GON4L: variants seen among roughly 807,000 people sequenced by gnomAD.
GON4L encodes gon-4 like.
A neutral mutation model predicts 211.8 loss-of-function variants in GON4L; 87 were observed. That is an observed-to-expected ratio of 0.41 (90% CI 0.35 to 0.49). GON4L has a LOEUF of 0.49. GON4L is among the 20% of genes least tolerant of loss of function. The pLI is 0.15. For synonymous variants in GON4L, 875 were observed against 962.6 expected (o/e 0.91, Z 1.68); for missense variants, 2,155 against 2,659.5 (o/e 0.81, Z 4.17).
At chr1:155,795,468 A>G (rs1327316689) in intron 11 of GON4L, among the ~76,000 whole-genome samples, 1 of 152,200 alleles carries the variant, frequency 6.6e-6, no homozygotes, top group African/African-American at 2.4e-5. Flanking sequence ...CAGTGAAAAA[A>G]GGAGTGGCCC....
At chr1:155,802,440 C>A (rs892357778) in intron 11 of GON4L, among the ~76,000 whole-genome samples, 1 of 152,082 alleles carries the variant, frequency 6.6e-6, no homozygotes, top group Non-Finnish European at 1.5e-5. Context: ...CCTACAGAAT[C>A]CAGCATATAG....
At chr1:155,764,853 C>T (rs754494562) in intron 21 of GON4L, 147 bp downstream of exon 21, 1 of 1,563,432 alleles carries the variant, frequency 6.4e-7, no homozygotes, top group Non-Finnish European at 8.8e-7. Flanking sequence ...ACCTCAACTC[C>T]ACAATCATGT....
downstream of GON4L, chr1:155,746,598 GTC>G (rs1429993640): frequency 4.6e-5 from 24 of 522,296 alleles, no homozygotes; most frequent in Non-Finnish European, 7.0e-5. Flanking sequence ...ACCTAACATT[GTC>G]TCTGTTATTT....
At chr1:155,754,903 C>CT (rs112004109) in intron 27 of GON4L, among the ~76,000 whole-genome samples, 7,124 of 104,532 alleles carry the variant, frequency 0.068, 444 homozygotes, top group African/African-American at 0.086. Context: ...TCTCCCCATG[C>CT]TTTTTTTTTT....
chr1:155,855,036 C>CA (rs1194347404), intron 1 of GON4L, among the ~76,000 whole-genome samples: 1,050 of 92,064 alleles, frequency 0.011, 9 homozygotes, highest in African/African-American at 0.031. Context: ...AACTCCATCT[C>CA]AAAAAAAAAA....
chr1:155,856,221 T>TTC (rs138363426), intron 1 of GON4L, among the ~76,000 whole-genome samples: 1 of 150,814 alleles, frequency 6.6e-6, no homozygotes. Context: ...TTTTCTTTCT[T>TTC]TCTCTCTCTC....
intron 14 of GON4L, among the ~76,000 whole-genome samples, chr1:155,778,399 G>C (rs1051241100): frequency 6.6e-6 from 1 of 152,038 alleles, no homozygotes; most frequent in Non-Finnish European, 1.5e-5. Context: ...CTATAGGCAC[G>C]TGCCACCACG....
intron 24 of GON4L, among the ~76,000 whole-genome samples, chr1:155,759,662 ATGCAGAAC>A (rs2101676856): frequency 6.6e-6 from 1 of 152,036 alleles, no homozygotes; most frequent in African/African-American, 2.4e-5. Flanking sequence ...CACACATTAT[ATGCAGAAC>A]TACCCCACTG....
intron 12 of GON4L, among the ~76,000 whole-genome samples, chr1:155,790,532 A>G (rs751055032): frequency 3.9e-5 from 6 of 152,096 alleles, no homozygotes; most frequent in South Asian, 2.1e-4. Flanking sequence ...GTTAGCCACT[A>G]CGCCCAGTTA....
rs34939643 is a variant in GON4L at position 155,814,365 on chromosome 1, T to C, written c.1246A>G (p.Thr416Ala). The C allele has an allele frequency of 3.2e-3, 5,131 of 1,613,536 alleles. 141 individuals carry two copies. The African/African-American group carries it at 0.06, about 19-fold the overall frequency. ...KSRLRQSSEM[T>A]ETDEESGILS... Reference sequence around the variant, plus strand: ...ATGCCACTCTCCTCATCTGTTTCAGTCATCTCAGAAGACTGCCTCAATCTG... The same window carrying C: ...ATGCCACTCTCCTCATCTGTTTCAGCCATCTCAGAAGACTGCCTCAATCTG... The change falls in exon 9 of 32, where the codon ACT becomes GCT. Residue 416 changes from threonine (T) to alanine (A), a missense_variant. By Grantham distance (58) the Thr-to-Ala change is moderately conservative. Around this residue, in one of 6 missense-constraint regions of GON4L, gnomAD observed 551 missense variants for 854.0 expected, o/e 0.65. Coordinates refer to ENST00000368331, the MANE Select transcript of GON4L (RefSeq NM_001282860.2).
intron 11 of GON4L, among the ~76,000 whole-genome samples, chr1:155,800,444 C>A (rs1023736852): frequency 2.7e-5 from 4 of 146,022 alleles, no homozygotes; most frequent in South Asian, 2.2e-4. Context: ...GTAAACCCAG[C>A]TACTTGGGAG....
At chr1:155,760,898 T>C (rs115738108) in intron 23 of GON4L, among the ~76,000 whole-genome samples, 1 of 152,312 alleles carries the variant, frequency 6.6e-6, no homozygotes, top group Non-Finnish European at 1.5e-5. Flanking sequence ...AACCAAGCAA[T>C]GCTTTTCTCT....
Position 155,776,496 on chromosome 1 carries a change from A to T in GON4L, c.2092-15T>A, listed in dbSNP as rs370119334. 2.3e-5 allele frequency: 37 copies of T among 1,575,914 alleles called. No individual in the cohort carries two copies. Among genetic ancestry groups the T allele is most frequent in the Non-Finnish European group, 3.0e-5 (34 of 1,145,560 alleles). ...AGCTGAACGTGCTGGGGATGGAAAGAAAATGATGAAGTGACATGTTACCAC... is the reference window on the plus strand; with the variant it reads ...AGCTGAACGTGCTGGGGATGGAAAGTAAATGATGAAGTGACATGTTACCAC... On this transcript the variant is annotated splice_polypyrimidine_tract_variant and intron_variant, in intron 15 of 31. Transcript: ENST00000368331.
chr1:155,822,533 G>C (rs1276866828), intron 3 of GON4L, 57 bp from the exon 4 acceptor site: 3 of 1,300,146 alleles, frequency 2.3e-6, no homozygotes, highest in Non-Finnish European at 3.3e-6. Context: ...CAGGAACTTA[G>C]CCCAGAAAGC....
intron 14 of GON4L, among the ~76,000 whole-genome samples, chr1:155,779,450 G>C (rs539906360): frequency 6.6e-6 from 1 of 151,222 alleles, no homozygotes; most frequent in South Asian, 2.1e-4. Context: ...CTGAGTAGCT[G>C]GGACTACAGA....
chr1:155,748,979 C>CA (rs1299917651), downstream of GON4L, among the ~76,000 whole-genome samples: 2 of 152,288 alleles, frequency 1.3e-5, no homozygotes, highest in East Asian at 3.9e-4. Context: ...TTGGGCTAGG[C>CA]ATGGTGGCTG....
intron 12 of GON4L, among the ~76,000 whole-genome samples, chr1:155,786,470 G>A (rs1279031571): frequency 1.3e-5 from 2 of 152,016 alleles, no homozygotes; most frequent in African/African-American, 4.8e-5. Flanking sequence ...GGCAGAGGCT[G>A]CAGTGTGCCA....
rs1236616594 is a variant in GON4L, at chr1:155,825,329, T to C, written c.697+1508A>G. Among the ~76,000 whole-genome samples the C allele has an allele frequency of 2.6e-5, 4 of 151,950 alleles. No individual in the cohort carries two copies. In the East Asian group the frequency reaches 7.8e-4, roughly 29 times the overall value. ...GGCTCACGCCTGTAATCCTAGCACCTTGGGAGGCCGAGGCGGGCAGATCAC... is the reference window on the plus strand; with the variant it reads ...GGCTCACGCCTGTAATCCTAGCACCCTGGGAGGCCGAGGCGGGCAGATCAC... On this transcript the variant is annotated intron_variant, in intron 3 of 31. Coordinates refer to ENST00000368331, the MANE Select transcript of GON4L (RefSeq NM_001282860.2).
At chr1:155,821,247 CAGAGTA>C (rs938494775) in intron 5 of GON4L, among the ~76,000 whole-genome samples, 1 of 151,544 alleles carries the variant, frequency 6.6e-6, no homozygotes, top group African/African-American at 2.4e-5. Context: ...GCCTGGGTGA[CAGAGTA>C]AGACTCCGTC....
Sources: allele counts gnomAD v4.1 joint callset (sites outside exome capture counted in the v4.1 genomes callset), GRCh38; gene constraint gnomAD v4.1.1; regional missense constraint gnomAD v4.1.1; transcripts MANE v1.5; gene names NCBI Gene and HGNC (gene_info 2026-07-23, HGNC 2026-07-21).